LHX3: variants seen among roughly 807,000 people sequenced by gnomAD.
The protein encoded by LHX3 is LIM/homeobox protein Lhx3.
A neutral mutation model predicts 32.4 loss-of-function variants in LHX3; 21 were observed. That is an observed-to-expected ratio of 0.65 (90% CI 0.46 to 0.93). The LOEUF is 0.93. Among genes scored for constraint, LHX3 ranks in the 40% least tolerant of loss-of-function variants. The probability of loss-of-function intolerance (pLI) is 0.00; values close to 1 mark genes in which losing one functional copy is unlikely to be tolerated. For synonymous variants in LHX3, 258 were observed against 246.8 expected (o/e 1.05, Z -0.43); for missense variants, 626 against 560.0 (o/e 1.12, Z -1.19).
At chr9:136,204,412 G>A (rs773354673) in intron 1 of LHX3, among the ~76,000 whole-genome samples, 5 of 152,260 alleles carry the variant, frequency 3.3e-5, no homozygotes, top group Admixed American at 6.5e-5. Context: ...ATCAGGGGTC[G>A]TGTGTGGCAG....
chr9:136,200,141 C>T (rs550952276), intron 2 of LHX3: 8 of 608,852 alleles, frequency 1.3e-5, no homozygotes, highest in Admixed American at 1.1e-4. Context: ...AAGGTGAATC[C>T]GGAGGGAGAG....
chr9:136,201,654 G>A (rs1209723072), intron 1 of LHX3: 3 of 990,534 alleles, frequency 3.0e-6, no homozygotes, highest in East Asian at 1.1e-4. Flanking sequence ...GGACCCCGCC[G>A]GCTCCAGCCC....
At chr9:136,201,377 T>C (rs1012082856) in intron 1 of LHX3, 152 of 1,239,278 alleles carry the variant, frequency 1.2e-4, no homozygotes, top group Non-Finnish European at 1.5e-4. Flanking sequence ...CAGGCGTGGG[T>C]GCCCCCAACA....
chr9:136,199,618 T>G, intron 3 of LHX3, 60 bp downstream of exon 3: 1 of 1,570,092 alleles, frequency 6.4e-7, no homozygotes, highest in Admixed American at 1.7e-5. Context: ...CCCCTGGGCG[T>G]GGCCTCAGCC....
intron 1 of LHX3, chr9:136,203,068 C>T (rs1427596585): frequency 1.3e-6 from 2 of 1,512,594 alleles, no homozygotes; most frequent in Middle Eastern, 2.0e-4. Context: ...TCGCCACTCT[C>T]CAGTCCCGAA....
intron 1 of LHX3, chr9:136,201,243 G>C (rs1483424585): frequency 1.6e-6 from 2 of 1,287,278 alleles, no homozygotes; most frequent in Non-Finnish European, 2.0e-6. Flanking sequence ...TCGCAAATGT[G>C]GCTGCCCTGC....
intron 2 of LHX3, chr9:136,200,274 T>A (rs1255412635): frequency 5.5e-6 from 3 of 545,802 alleles, no homozygotes; most frequent in Non-Finnish European, 9.9e-6. Flanking sequence ...CTAAGTCCAG[T>A]AGAATCCTAC....
Sources: allele counts gnomAD v4.1 joint callset (sites outside exome capture counted in the v4.1 genomes callset), GRCh38; gene constraint gnomAD v4.1.1; transcripts MANE v1.5; gene names NCBI Gene and HGNC (gene_info 2026-07-23, HGNC 2026-07-21).